The following YES1 variants were observed in gnomAD, a reference collection of about 807,000 sequenced individuals.
The protein encoded by YES1 is YES proto-oncogene 1, Src family tyrosine kinase, also known as tyrosine-protein kinase Yes.
In YES1, 39 loss-of-function variants were observed where a neutral mutation model predicts 70.4. The ratio of observed to expected loss-of-function variants is 0.55; its 90% CI spans 0.43 to 0.72. The LOEUF (loss-of-function observed/expected upper bound fraction) is 0.72. Among genes scored for constraint, YES1 ranks in the 30% least tolerant of loss-of-function variants. YES1 has a pLI of 0.00. For missense variants in YES1, 495 were observed against 644.8 expected (o/e 0.77, Z 2.52); for synonymous variants, 198 against 218.6 (o/e 0.91, Z 0.83).
chr18:726,763 A>G (rs2080023919), intron 11 of YES1, among the ~76,000 whole-genome samples: 2 of 133,246 alleles, frequency 1.5e-5, no homozygotes, highest in Admixed American at 8.8e-5. Context: ...CCTGGGTGAC[A>G]AAGCAAGACT....
intron 1 of YES1, among the ~76,000 whole-genome samples, chr18:800,311 G>A (rs901166515): frequency 1.3e-5 from 2 of 152,196 alleles, no homozygotes; most frequent in Non-Finnish European, 2.9e-5. Flanking sequence ...ATTGTTCTAT[G>A]TGCTTGGAAC....
intron 3 of YES1, among the ~76,000 whole-genome samples, chr18:751,051 T>C (rs1187544193): frequency 2.6e-5 from 4 of 152,158 alleles, no homozygotes; most frequent in Non-Finnish European, 4.4e-5. Context: ...ATTTTAAAAG[T>C]AGAAGGATAT....
At chr18:745,054 T>G (rs568831791) in intron 6 of YES1, among the ~76,000 whole-genome samples, 9 of 152,246 alleles carry the variant, frequency 5.9e-5, no homozygotes, top group African/African-American at 2.2e-4. Flanking sequence ...GCTGACTTGA[T>G]AGACTCAGTT....
intron 1 of YES1, among the ~76,000 whole-genome samples, chr18:761,460 T>C (rs1216231705): frequency 6.6e-6 from 1 of 152,138 alleles, no homozygotes; most frequent in African/African-American, 2.4e-5. Context: ...AACTCGGAAA[T>C]ACCATGTCAA....
chr18:724,674 C>G, intron 11 of YES1, 42 bp from the exon 12 acceptor site: 1 of 1,542,538 alleles, frequency 6.5e-7, no homozygotes. Flanking sequence ...ATGGTCCTAA[C>G]TACCACTAGG....
chr18:732,447 A>C (rs992190953), intron 11 of YES1, among the ~76,000 whole-genome samples: 30 of 145,734 alleles, frequency 2.1e-4, no homozygotes, highest in African/African-American at 3.1e-4. Flanking sequence ...AAAAAAAAAA[A>C]AAAAAAAAAA....
chr18:792,465 T>C (rs949422673), intron 1 of YES1, among the ~76,000 whole-genome samples: 1 of 152,058 alleles, frequency 6.6e-6, no homozygotes, highest in African/African-American at 2.4e-5. Flanking sequence ...AAGGCTGTAG[T>C]GTGCCATAGT....
Position 790,177 on chromosome 18 carries a change from A to G in YES1, c.-9+21937T>C, listed in dbSNP as rs2145814703. 1.3e-5 allele frequency among the ~76,000 whole-genome samples: 2 copies of G among 152,332 alleles called. 1 individual carries two copies. The highest frequency in any genetic ancestry group is 4.1e-4 in the South Asian group (2 of 4,826). Reference sequence around the variant, plus strand: ...GATCACCTGAGGTCAGAAGTTTGAGATGAGCCTGGCCAACATGGTGAAATC... The same window carrying G: ...GATCACCTGAGGTCAGAAGTTTGAGGTGAGCCTGGCCAACATGGTGAAATC... On this transcript the variant is annotated intron_variant, in intron 1 of 11. Transcript: ENST00000314574.
intron 3 of YES1, 102 bp downstream of exon 3, chr18:751,603 C>A (rs1023092459): frequency 2.2e-5 from 17 of 772,506 alleles, no homozygotes; most frequent in Non-Finnish European, 3.5e-5. Flanking sequence ...GCAGCCCATG[C>A]CCTACCTCTC....
At chr18:787,792 C>G (rs1053016675) in intron 1 of YES1, 1 of 152,018 alleles carries the variant, frequency 6.6e-6, no homozygotes, top group Non-Finnish European at 1.5e-5. Flanking sequence ...AAATACTGAT[C>G]AAAAATTAAT....
intron 1 of YES1, among the ~76,000 whole-genome samples, chr18:802,438 G>T (rs1347544536): frequency 1.3e-5 from 2 of 151,754 alleles, no homozygotes; most frequent in Admixed American, 6.6e-5. Context: ...CAGCTACTCA[G>T]GAGGCTGAGG....
intron 1 of YES1, among the ~76,000 whole-genome samples, chr18:778,303 T>C (rs922061001): frequency 6.6e-6 from 1 of 152,216 alleles, no homozygotes; most frequent in African/African-American, 2.4e-5. Context: ...TGGTAAGTTA[T>C]TAAATATTAG....
Position 743,323 on chromosome 18 carries a change from G to T in YES1, c.817C>A (p.Pro273Thr). ...QGLAKDAWEI[P>T]RESLRLEVKL... is the part of the protein sequence containing the mutation. ...ACCTCTAGTCGCAAAGATTCTCGAGGGATTTCCCAAGCATCTTTTGCTAGA... is the reference window on the plus strand; with the variant it reads ...ACCTCTAGTCGCAAAGATTCTCGAGTGATTTCCCAAGCATCTTTTGCTAGA... The change falls in exon 7 of 12, where the codon CCT (proline) becomes ACT (threonine). Residue 273 changes from proline to threonine, a missense_variant. Physicochemically the swap from Pro to Thr is conservative, Grantham distance 38 (BLOSUM62 -1). Transcript: ENST00000314574. The T allele has an allele frequency of 6.2e-7, 1 of 1,612,406 alleles. No individual in the cohort carries two copies. Among genetic ancestry groups the T allele is most frequent in the Non-Finnish European group, 8.5e-7 (1 of 1,180,006 alleles).
rs1002693165 is a variant in YES1, at chr18:756,581, T to G, written c.247A>C (p.Ser83Arg). 9 of 1,614,068 alleles carry G rather than the reference T, an allele frequency of 5.6e-6. No individual in the cohort carries two copies. Among genetic ancestry groups the G allele is most frequent in the South Asian group, 1.1e-5 (1 of 91,082 alleles). Residue 83 changes from serine to arginine, a missense_variant, in exon 2 of 12, where the codon AGT becomes CGT. Transcript: ENST00000314574. ...CCTGTTAAACCAGCAGGATATGAAC[T>G]TGGCACCACTGAAAATGAGGAAGAT... ...GASSSFSVVP[S>R]SYPAGLTGGV... is the part of the protein sequence containing the mutation.
intron 1 of YES1, among the ~76,000 whole-genome samples, chr18:771,132 A>T (rs1260289445): frequency 1.3e-5 from 2 of 152,170 alleles, no homozygotes; most frequent in Non-Finnish European, 2.9e-5. Context: ...TGGGAGGCCC[A>T]GGCAGGCAGA....
intron 11 of YES1, among the ~76,000 whole-genome samples, chr18:726,675 G>A (rs943684076): frequency 2.7e-5 from 4 of 147,716 alleles, no homozygotes; most frequent in African/African-American, 1.0e-4. Flanking sequence ...CAGCTACTCG[G>A]GAGGCTGAGG....
At position 744,689 on chromosome 18, in the gene YES1, C is replaced by CTTTTT. The variant is rs71174284; in HGVS notation, c.724+1014_724+1018dup. Among the ~76,000 whole-genome samples the CTTTTT allele has an allele frequency of 7.5e-3, 424 of 56,858 alleles. 84 individuals are homozygous for CTTTTT. Among genetic ancestry groups the CTTTTT allele is most frequent in the African/African-American group, 0.025 (396 of 16,114 alleles). 37.3% of individuals were successfully genotyped at this position (56,858 alleles called of 152,430 possible). A position where few individuals can be genotyped will look rare whatever the true frequency, so the allele number is the denominator to read the frequency against. On this transcript the variant is annotated intron_variant, in intron 6 of 11. Coordinates refer to ENST00000314574, the MANE Select transcript of YES1 (RefSeq NM_005433.4). ...ACAGGAGTGAGCCACCACGCCTGGC[C>CTTTTT]TTTTTTTTTTTTTTTTTTTTTTTTT...
intron 1 of YES1, among the ~76,000 whole-genome samples, chr18:764,932 C>T (rs1460820331): frequency 6.6e-6 from 1 of 151,674 alleles, no homozygotes; most frequent in Non-Finnish European, 1.5e-5. Flanking sequence ...GACCGGGTTT[C>T]ACTATGTTGG....
intron 1 of YES1, among the ~76,000 whole-genome samples, chr18:801,625 T>C (rs1906826953): frequency 1.3e-5 from 2 of 152,154 alleles, no homozygotes; most frequent in South Asian, 2.1e-4. Flanking sequence ...AAAGGCAATA[T>C]TGTACAGTAG....
Sources: allele counts gnomAD v4.1 joint callset (sites outside exome capture counted in the v4.1 genomes callset), GRCh38; gene constraint gnomAD v4.1.1; transcripts MANE v1.5; gene names NCBI Gene and HGNC (gene_info 2026-07-23, HGNC 2026-07-21).